The following RUFY2 variants were observed in gnomAD, a reference collection of about 807,000 sequenced individuals.
RUFY2 encodes the protein RUN and FYVE domain containing 2, also known as RUN and FYVE domain-containing protein 2.
RUFY2 carries 49 observed loss-of-function variants against 94.4 expected under a neutral mutation model. The ratio of observed to expected loss-of-function variants is 0.52; its 90% confidence interval spans 0.41 to 0.66. RUFY2 has a LOEUF of 0.66. Among genes scored for constraint, RUFY2 ranks in the 30% least tolerant of loss-of-function variants. The pLI is 0.00. For missense variants in RUFY2, 541 were observed against 692.8 expected, an observed-to-expected ratio of 0.78 and a Z score of 2.46; for synonymous variants, 255 against 235.7, an observed-to-expected ratio of 1.08 and a Z score of -0.75.
chr10:68,386,203 G>C, intron 7 of RUFY2, 75 bp from the exon 8 acceptor site: 2 of 1,218,340 alleles, frequency 1.6e-6, no homozygotes, highest in Non-Finnish European at 2.4e-6. Flanking sequence ...TGTTATCCTA[G>C]ATTTACTATG....
chr10:68,376,489 T>TATATATC (rs58358117), intron 13 of RUFY2, among the ~76,000 whole-genome samples: 2 of 51,818 alleles, frequency 3.9e-5, no homozygotes, highest in African/African-American at 5.7e-5. Flanking sequence ...TATATATATA[T>TATATATC]ATTCTCAGAA....
chr10:68,383,630 TA>T (rs2049263531), intron 10 of RUFY2, among the ~76,000 whole-genome samples, 167 bp downstream of exon 10: 1 of 152,044 alleles, frequency 6.6e-6, no homozygotes, highest in African/African-American at 2.4e-5. Context: ...AAAACAACAA[TA>T]AAACATTGAT....
chr10:68,342,224 G>C (rs1328470921), downstream of RUFY2: 1 of 524,860 alleles, frequency 1.9e-6, no homozygotes, highest in Non-Finnish European at 3.4e-6. Context: ...TTTTCTGTAG[G>C]TTTATTTGTT....
At chr10:68,404,041 T>C (rs1167745457) in intron 2 of RUFY2, among the ~76,000 whole-genome samples, 2 of 152,222 alleles carry the variant, frequency 1.3e-5, no homozygotes, top group African/African-American at 4.8e-5. Context: ...GCCCTCTACA[T>C]AGATACTCAT....
chr10:68,402,222 G>C (rs2050903108), intron 2 of RUFY2, among the ~76,000 whole-genome samples: 1 of 151,758 alleles, frequency 6.6e-6, no homozygotes, highest in Non-Finnish European at 1.5e-5. Flanking sequence ...GCCTCCCAAA[G>C]TGCTGGCTGG....
At chr10:68,376,700 A>T (rs2048705247) in intron 13 of RUFY2, among the ~76,000 whole-genome samples, 153 bp downstream of exon 13, 2 of 151,672 alleles carry the variant, frequency 1.3e-5, no homozygotes, top group Admixed American at 6.6e-5. Context: ...TATTACAATT[A>T]TATTTTCTAA....
chr10:68,403,396 C>T lies in RUFY2; in HGVS notation c.178+1275G>A, dbSNP rs377457179. On this transcript the variant is annotated intron_variant, in intron 2 of 17. Transcript: ENST00000602465. Reference sequence around the variant, plus strand: ...CCTCCTGAGTAGCTGGGATTACAGGCGAACACCACCAGCCTGGCTAATTTT... The same window carrying T: ...CCTCCTGAGTAGCTGGGATTACAGGTGAACACCACCAGCCTGGCTAATTTT... 5.1e-4 allele frequency among the ~76,000 whole-genome samples: 78 copies of T among 151,862 alleles called. 1 individual carries two copies. Among genetic ancestry groups the T allele is most frequent in the African/African-American group, 1.8e-3 (74 of 41,456 alleles).
At chr10:68,394,157 T>C in intron 5 of RUFY2, 21 bp from the exon 6 acceptor site, 1 of 1,487,688 alleles carries the variant, frequency 6.7e-7, no homozygotes, top group South Asian at 1.3e-5. Context: ...TAAAGTTTTT[T>C]TTAATTTAAA....
Position 68,344,651 on chromosome 10 carries a change from T to G in RUFY2, c.*1117A>C, listed in dbSNP as rs1036149066. The stretch of plus-strand genomic sequence containing the variant: ...GGAGGTGGAGATCGTGCCATTGCAC[T>G]CCAGCCTAGGCAACAAGAGTGAAAC... On this transcript the variant is annotated 3_prime_UTR_variant, in exon 18 of 18. Coordinates refer to ENST00000602465, the MANE Select transcript of RUFY2 (RefSeq NM_001330103.2). The G allele has an allele frequency of 3.9e-5, 6 of 152,448 alleles. No homozygotes were observed. Among genetic ancestry groups the G allele is most frequent in the Admixed American group, 2.6e-4 (4 of 15,260 alleles). The allele number at this position is 152,448 out of a possible 1,614,324, so 9.4% of individuals were successfully genotyped here.
intron 15 of RUFY2, 62 bp downstream of exon 15, chr10:68,363,528 C>T (rs1481868018): frequency 2.8e-6 from 3 of 1,087,822 alleles, no homozygotes; most frequent in Non-Finnish European, 4.0e-6. Context: ...ATAGATTTGG[C>T]ACACTTATAC....
rs917380460 is a variant in RUFY2, at chr10:68,383,828, C to T, written c.909G>A (p.Arg303=). 6 of 1,613,378 alleles carry T rather than the reference C, an allele frequency of 3.7e-6. No homozygotes were observed. The highest frequency in any genetic ancestry group is 3.3e-5 in the Admixed American group (2 of 59,984). The change falls in exon 10 of 18, where the codon AGG becomes AGA. Residue 303 remains arginine (R), a synonymous_variant. Transcript: ENST00000602465. ...GLDEMYNEAR[R]QLRDESQLRQ... ...GTAACTGAGATTCATCTCGAAGCTG[C>T]CTTCTGGCTTCATTGTACATTTCAT...
intron 3 of RUFY2, among the ~76,000 whole-genome samples, chr10:68,397,945 G>A (rs1169379869): frequency 1.3e-5 from 2 of 151,586 alleles, no homozygotes; most frequent in African/African-American, 4.8e-5. Context: ...TAGCCAACAT[G>A]GTGAAACCCC....
chr10:68,403,918 G>A (rs1019347424), intron 2 of RUFY2, among the ~76,000 whole-genome samples: 2 of 151,384 alleles, frequency 1.3e-5, no homozygotes, highest in Non-Finnish European at 2.9e-5. Flanking sequence ...TCAGCCTCTC[G>A]AACAGCTGGG....
intron 15 of RUFY2, among the ~76,000 whole-genome samples, chr10:68,357,829 T>C (rs1188509759): frequency 6.6e-6 from 1 of 152,162 alleles, no homozygotes; most frequent in Non-Finnish European, 1.5e-5. Flanking sequence ...ATAGTATATA[T>C]AATTATCTAC....
chr10:68,386,760 G>C (rs1015786369), intron 7 of RUFY2, among the ~76,000 whole-genome samples: 1 of 152,154 alleles, frequency 6.6e-6, no homozygotes, highest in Non-Finnish European at 1.5e-5. Flanking sequence ...ATATTTAAAA[G>C]GATGAGCTTT....
chr10:68,381,839 CTCTG>C (rs2049083124), intron 10 of RUFY2, among the ~76,000 whole-genome samples: 1 of 152,160 alleles, frequency 6.6e-6, no homozygotes, highest in Admixed American at 6.5e-5. Context: ...GAGAGTAAGA[CTCTG>C]TCTCAAAAAG....
chr10:68,364,763 AG>A (rs1007229448), intron 13 of RUFY2, among the ~76,000 whole-genome samples: 22 of 151,308 alleles, frequency 1.5e-4, no homozygotes, highest in Non-Finnish European at 3.1e-4. Flanking sequence ...CTATGTTGCC[AG>A]GCTGGACTCA....
At chr10:68,351,497 G>A (rs757842854) in intron 16 of RUFY2, among the ~76,000 whole-genome samples, 4 of 142,242 alleles carry the variant, frequency 2.8e-5, no homozygotes, top group African/African-American at 5.2e-5. Flanking sequence ...TCGCCCAGGC[G>A]GGAGTGCAGT....
At chr10:68,377,633 C>T in intron 12 of RUFY2, 1 of 985,312 alleles carries the variant, frequency 1.0e-6, no homozygotes, top group Non-Finnish European at 1.2e-6. Flanking sequence ...TAAAAATTAG[C>T]TAAAACATTG....
Sources: allele counts gnomAD v4.1 joint callset (sites outside exome capture counted in the v4.1 genomes callset), GRCh38; gene constraint gnomAD v4.1.1; transcripts MANE v1.5; gene names NCBI Gene and HGNC (gene_info 2026-07-23, HGNC 2026-07-21).